The following SORCS3 variants were observed in gnomAD, a reference collection of about 807,000 sequenced individuals.
SORCS3 encodes sortilin related VPS10 domain containing receptor 3, also known as VPS10 domain-containing receptor SorCS3.
Under a neutral mutation model 146.3 loss-of-function variants are expected in SORCS3, and 57 were observed. The ratio of observed to expected loss-of-function variants is 0.39; its 90% confidence interval spans 0.31 to 0.49. The LOEUF (loss-of-function observed/expected upper bound fraction) is 0.49, where lower values mean the gene tolerates loss of function less well. Among genes scored for constraint, SORCS3 ranks in the 20% least tolerant of loss-of-function variants. SORCS3 has a pLI of 0.92. For synonymous variants in SORCS3, 653 were observed against 618.5 expected (o/e 1.06, Z -0.83); for missense variants, 1,341 against 1,575.5 (o/e 0.85, Z 2.52).
At chr10:104,704,453 A>G (rs2016314376) in intron 1 of SORCS3, among the ~76,000 whole-genome samples, 1 of 152,150 alleles carries the variant, frequency 6.6e-6, no homozygotes, top group South Asian at 2.1e-4. Flanking sequence ...CTGGGATTAC[A>G]GGAATGAGTC....
At chr10:105,036,113 T>C (rs2055304590) in intron 4 of SORCS3, among the ~76,000 whole-genome samples, 1 of 152,180 alleles carries the variant, frequency 6.6e-6, no homozygotes, top group African/African-American at 2.4e-5. Flanking sequence ...AATGGTACTT[T>C]TGTAGGAAGA....
At chr10:104,965,547 G>A (rs2054821766) in intron 3 of SORCS3, among the ~76,000 whole-genome samples, 1 of 152,104 alleles carries the variant, frequency 6.6e-6, no homozygotes, top group Non-Finnish European at 1.5e-5. Context: ...CAGTTCACAA[G>A]GGTTCCAACT....
chr10:105,148,580 C>T (rs1272184380), intron 9 of SORCS3, among the ~76,000 whole-genome samples: 1 of 151,994 alleles, frequency 6.6e-6, no homozygotes, highest in East Asian at 1.9e-4. Flanking sequence ...AGGTGTGTCT[C>T]ATTATCCAAT....
rs2496025 is a variant in SORCS3, at chr10:104,810,812, T to C, written c.628-31980T>C. ...ATCTGGGTGGCTATTGTGGAAACTTTCCTAGCAAATATTTGTTTATTTATT... is the reference window on the plus strand; with the variant it reads ...ATCTGGGTGGCTATTGTGGAAACTTCCCTAGCAAATATTTGTTTATTTATT... On this transcript the variant is annotated intron_variant, in intron 1 of 26. Coordinates refer to ENST00000369701, the MANE Select transcript of SORCS3 (RefSeq NM_014978.3). Among the ~76,000 whole-genome samples the C allele has an allele frequency of 2.3e-3, 351 of 152,374 alleles. 2 individuals are homozygous for C. Among genetic ancestry groups the C allele is most frequent in the African/African-American group, 7.8e-3 (323 of 41,600 alleles).
intron 1 of SORCS3, among the ~76,000 whole-genome samples, chr10:104,759,016 G>A (rs1423271046): frequency 6.6e-6 from 1 of 152,180 alleles, no homozygotes; most frequent in African/African-American, 2.4e-5. Context: ...TTTGGGAATA[G>A]GGTTGTTGCA....
chr10:105,157,036 C>A, intron 9 of SORCS3, 102 bp from the exon 10 acceptor site: 4 of 1,356,370 alleles, frequency 2.9e-6, no homozygotes, highest in Non-Finnish European at 4.1e-6. Context: ...TGCTTGGAAC[C>A]CCAACATGCC....
chr10:104,922,351 T>C (rs1473062751), intron 3 of SORCS3, among the ~76,000 whole-genome samples: 1 of 152,182 alleles, frequency 6.6e-6, no homozygotes, highest in African/African-American at 2.4e-5. Context: ...GAGCAAAGTA[T>C]GTTTTGAGGG....
intron 16 of SORCS3, among the ~76,000 whole-genome samples, chr10:105,203,219 A>G (rs2056584458): frequency 6.6e-6 from 1 of 152,168 alleles, no homozygotes; most frequent in Non-Finnish European, 1.5e-5. Context: ...TGAAAATGAG[A>G]TATACTAAGT....
intron 1 of SORCS3, among the ~76,000 whole-genome samples, chr10:104,747,828 A>G (rs936258108): frequency 6.6e-5 from 10 of 152,232 alleles, no homozygotes; most frequent in African/African-American, 2.4e-4. Flanking sequence ...CACACTGAGC[A>G]TGTCAGCTGG....
intron 1 of SORCS3, among the ~76,000 whole-genome samples, chr10:104,727,541 G>GTT (rs1438812679): frequency 8.3e-5 from 9 of 108,056 alleles, no homozygotes; most frequent in Admixed American, 2.0e-4. Flanking sequence ...ATATATGTGT[G>GTT]TGTGTATATA....
At position 104,912,332 on chromosome 10, in the gene SORCS3, T is replaced by C. The variant is rs1416202532; in HGVS notation, c.696-3501T>C. Among the ~76,000 whole-genome samples, 3 of 152,214 alleles carry C rather than the reference T, an allele frequency of 2.0e-5. No homozygotes were observed. In the East Asian group the frequency reaches 5.8e-4, roughly 29 times the overall value. ...TTAAGAAGTAATTAACTCTGTAAAA[T>C]ATTTTACTTGGATTAATAAAAATGC... On this transcript the variant is annotated intron_variant, in intron 2 of 26. Transcript: ENST00000369701.
chr10:105,222,176 A>C lies in SORCS3; in HGVS notation c.2735-940A>C, dbSNP rs567302850. Among the ~76,000 whole-genome samples the C allele has an allele frequency of 4.0e-5, 6 of 148,336 alleles. No individual in the cohort carries two copies. In the Admixed American group the frequency reaches 4.2e-4, roughly 10 times the overall value. On this transcript the variant is annotated intron_variant, in intron 19 of 26. Transcript: ENST00000369701. ...TGGGTTCAAGTGATTCTCCTGCCTC[A>C]GCCTCCCAAGTAGCTGGGATTAAAA...
chr10:105,197,997 A>T (rs2056553573), intron 14 of SORCS3, among the ~76,000 whole-genome samples: 1 of 152,152 alleles, frequency 6.6e-6, no homozygotes, highest in Non-Finnish European at 1.5e-5. Context: ...GGTTGATTTT[A>T]ATGTCTTCAT....
chr10:104,861,973 T>G (rs1432968811), intron 2 of SORCS3, among the ~76,000 whole-genome samples: 2 of 152,182 alleles, frequency 1.3e-5, no homozygotes, highest in Non-Finnish European at 2.9e-5. Context: ...TGTCCAAATT[T>G]CCACTTTATG....
intron 7 of SORCS3, among the ~76,000 whole-genome samples, chr10:105,135,625 G>A (rs767771054): frequency 4.6e-5 from 7 of 151,878 alleles, no homozygotes; most frequent in South Asian, 2.1e-4. Context: ...CTCTTCTTGC[G>A]TTTTACTATA....
At chr10:104,927,542 C>G (rs1406386250) in intron 3 of SORCS3, among the ~76,000 whole-genome samples, 1 of 152,116 alleles carries the variant, frequency 6.6e-6, no homozygotes, top group Non-Finnish European at 1.5e-5. Flanking sequence ...GCCTGAAGGA[C>G]CAGTGGAGAT....
chr10:104,689,698 A>G (rs941105874), intron 1 of SORCS3, among the ~76,000 whole-genome samples: 1 of 152,142 alleles, frequency 6.6e-6, no homozygotes, highest in Admixed American at 6.6e-5. Flanking sequence ...CCACTGGATG[A>G]TAACATCTTG....
chr10:105,241,636 A>G (rs1486563431), intron 20 of SORCS3, among the ~76,000 whole-genome samples: 1 of 152,092 alleles, frequency 6.6e-6, no homozygotes, highest in Non-Finnish European at 1.5e-5. Flanking sequence ...AAGGCAGAGA[A>G]TTTTACTGAG....
At chr10:105,188,085 A>G (rs1436743794) in intron 14 of SORCS3, among the ~76,000 whole-genome samples, 1 of 152,172 alleles carries the variant, frequency 6.6e-6, no homozygotes, top group Non-Finnish European at 1.5e-5. Context: ...TAAGGGCTTC[A>G]GGGTACCTCT....
Sources: gnomAD v4.1 joint callset for allele counts (sites outside exome capture counted in the v4.1 genomes callset) on GRCh38, gnomAD v4.1.1 for gene constraint, MANE v1.5 for transcripts, NCBI Gene and HGNC (gene_info 2026-07-23, HGNC 2026-07-21) for gene names.